Variants in CHD7 observed in about 807,000 individuals in gnomAD.
CHD7 encodes the protein ATP-dependent chromatin remodeler CHD7.
CHD7 carries 24 observed loss-of-function variants against 307.3 expected under a neutral mutation model. That is an observed-to-expected ratio of 0.08 (90% CI 0.06 to 0.11). The LOEUF is 0.11. Ranked by LOEUF, CHD7 falls within the 10% of genes least tolerant of loss-of-function variation. The pLI, the probability that CHD7 is intolerant of heterozygous loss-of-function variation, is 1.00. For missense variants in CHD7, 3,106 were observed against 3,727.1 expected, an observed-to-expected ratio of 0.83 and a Z score of 4.34; for synonymous variants, 1,363 against 1,349.9, an observed-to-expected ratio of 1.01 and a Z score of -0.21.
At chr8:60,789,273 T>G (rs1462734725) in intron 3 of CHD7, among the ~76,000 whole-genome samples, 1 of 152,238 alleles carries the variant, frequency 6.6e-6, no homozygotes, top group Non-Finnish European at 1.5e-5. Context: ...CTTTTACTTC[T>G]TATCCATTAG....
At chr8:60,727,279 AC>A (rs1400648730) in intron 1 of CHD7, among the ~76,000 whole-genome samples, 1 of 151,714 alleles carries the variant, frequency 6.6e-6, no homozygotes, top group Non-Finnish European at 1.5e-5. Flanking sequence ...GGCATTTGCC[AC>A]CCCTGCCCGG....
In CHD7 at chr8:60,741,641, A is replaced by G; in HGVS notation, c.209A>G (p.Asp70Gly). Residue 70 changes from aspartate (D) to glycine (G), a missense_variant, in exon 2 of 38, where the codon GAT becomes GGT. Coordinates refer to ENST00000423902, the MANE Select transcript of CHD7 (RefSeq NM_017780.4). ...AATCAAACAAAGCTGACACATTTTG[A>G]TCACTATAATCAGTATGAACAACAA... ...NQNQTKLTHF[D>G]HYNQYEQQKM... 2 of 1,613,762 alleles carry G rather than the reference A, an allele frequency of 1.2e-6. No homozygotes were observed. The highest frequency in any genetic ancestry group is 8.5e-7 in the Non-Finnish European group (1 of 1,179,780).
At chr8:60,691,448 A>G (rs1033266382) in intron 1 of CHD7, among the ~76,000 whole-genome samples, 1 of 152,242 alleles carries the variant, frequency 6.6e-6, no homozygotes, top group African/African-American at 2.4e-5. Flanking sequence ...TTACTTGTGC[A>G]TCTTTTACTC....
At chr8:60,703,680 C>T (rs1003275591) in intron 1 of CHD7, among the ~76,000 whole-genome samples, 2 of 152,200 alleles carry the variant, frequency 1.3e-5, no homozygotes, top group East Asian at 1.9e-4. Context: ...AGGACTGTCC[C>T]GCCAACAAAC....
intron 1 of CHD7, among the ~76,000 whole-genome samples, chr8:60,686,093 G>A (rs1805874717): frequency 6.6e-6 from 1 of 152,162 alleles, no homozygotes; most frequent in Non-Finnish European, 1.5e-5. Context: ...GGTGGCCATT[G>A]TGACTCAGTC....
chr8:60,804,152 G>T (rs1812439690), intron 6 of CHD7, among the ~76,000 whole-genome samples: 1 of 152,180 alleles, frequency 6.6e-6, no homozygotes, highest in South Asian at 2.1e-4. Context: ...CATTTATGTT[G>T]TTCTAAACCC....
At chr8:60,821,649 TATAC>T in intron 9 of CHD7, 137 bp from the exon 10 acceptor site, 1 of 598,036 alleles carries the variant, frequency 1.7e-6, no homozygotes, top group Non-Finnish European at 2.6e-6. Context: ...TAAACATATA[TATAC>T]ACATACATAT....
chr8:60,682,965 T>G (rs185436337), intron 1 of CHD7, among the ~76,000 whole-genome samples: 15 of 152,286 alleles, frequency 9.8e-5, no homozygotes, highest in African/African-American at 3.6e-4. Flanking sequence ...ATAGCTAAAA[T>G]CACCAAAAAG....
chr8:60,855,530 A>G lies in CHD7; in HGVS notation c.6937-445A>G, dbSNP rs377485937. 1.1e-4 allele frequency among the ~76,000 whole-genome samples: 17 copies of G among 152,320 alleles called. No individual in the cohort carries two copies. The South Asian group carries it at 3.3e-3, about 30-fold the overall frequency. On this transcript the variant is annotated intron_variant, in intron 32 of 37. Coordinates refer to ENST00000423902, the MANE Select transcript of CHD7 (RefSeq NM_017780.4). ...TTAATAGTGACGCTAATGATGTCCT[A>G]CTTCCTGGGACTGCAATCCAGCCTG... is the stretch of plus-strand genomic sequence containing the variant.
rs1272788002 is a variant in CHD7 at position 60,743,093 on chromosome 8, A to C, written c.1661A>C (p.His554Pro). Residue 554 changes from histidine (H) to proline (P), a missense_variant, in exon 2 of 38, where the codon CAT becomes CCT. This residue lies in a region of CHD7 where 998 missense variants were observed against 1,004.5 expected (regional missense o/e 0.99). Coordinates refer to ENST00000423902, the MANE Select transcript of CHD7 (RefSeq NM_017780.4). ...PQNTPQKVPV[H>P]QHSPSEPFLE... Reference sequence around the variant, plus strand: ...AACACCCCGCAGAAAGTGCCTGTGCATCAGGTAAGGGGACACAGAGCCTAC... The same window carrying C: ...AACACCCCGCAGAAAGTGCCTGTGCCTCAGGTAAGGGGACACAGAGCCTAC... The C allele has an allele frequency of 6.2e-7, 1 of 1,612,756 alleles. No homozygotes were observed. The highest frequency in any genetic ancestry group is 1.7e-5 in the Admixed American group (1 of 59,978).
At chr8:60,680,661 G>A (rs1337843613) in intron 1 of CHD7, among the ~76,000 whole-genome samples, 1 of 152,166 alleles carries the variant, frequency 6.6e-6, no homozygotes, top group South Asian at 2.1e-4. Flanking sequence ...TTTCCTGGAG[G>A]TCACTTTTAG....
intron 31 of CHD7, among the ~76,000 whole-genome samples, chr8:60,854,087 A>G (rs1365527301): frequency 2.6e-5 from 4 of 152,186 alleles, no homozygotes; most frequent in Non-Finnish European, 5.9e-5. Context: ...TTGGTTGGCT[A>G]TCAGCCTCTT....
At position 60,809,681 on chromosome 8, in the gene CHD7, A is replaced by G. The variant is rs1812702701; in HGVS notation, c.2498+1409A>G. On this transcript the variant is annotated intron_variant, in intron 7 of 37. Coordinates refer to ENST00000423902, the MANE Select transcript of CHD7 (RefSeq NM_017780.4). ...AAAGGGAGTTTTGAAAAAAAAAAAA[A>G]AAAAAAAAAAAAAGAAAAAAAAGGT... 2.6e-5 allele frequency: 4 copies of G among 151,382 alleles called. No homozygotes were observed. The South Asian group carries it at 6.2e-4, about 24-fold the overall frequency. The allele number at this position is 151,382 out of a possible 1,614,324, so 9.4% of individuals were successfully genotyped here.
intron 1 of CHD7, among the ~76,000 whole-genome samples, chr8:60,698,860 C>T (rs540860821): frequency 2.6e-3 from 389 of 152,272 alleles, no homozygotes; most frequent in Non-Finnish European, 3.0e-3. Context: ...AGTCACAGTT[C>T]ACTGCAACCT....
intron 4 of CHD7, among the ~76,000 whole-genome samples, chr8:60,796,268 G>A (rs1812029596): frequency 6.6e-6 from 1 of 152,206 alleles, no homozygotes; most frequent in Non-Finnish European, 1.5e-5. Context: ...ATACATCAAT[G>A]GAAAGATATT....
chr8:60,722,435 C>T (rs1807955318), intron 1 of CHD7, among the ~76,000 whole-genome samples: 1 of 152,128 alleles, frequency 6.6e-6, no homozygotes, highest in South Asian at 2.1e-4. Flanking sequence ...TAATTACTGG[C>T]ATATTGTATT....
At chr8:60,813,069 C>T (rs531202299) in intron 7 of CHD7, among the ~76,000 whole-genome samples, 1 of 152,252 alleles carries the variant, frequency 6.6e-6, no homozygotes, top group African/African-American at 2.4e-5. Context: ...TCCAGTTCTA[C>T]TTTTGTGTCT....
chr8:60,813,376 A>G (rs1586373276), intron 7 of CHD7, among the ~76,000 whole-genome samples: 2 of 152,154 alleles, frequency 1.3e-5, no homozygotes, highest in African/African-American at 4.8e-5. Flanking sequence ...TTATTTTCTA[A>G]TTATTATGTC....
In CHD7 at chr8:60,708,266, C is replaced by T. The variant is rs141737287; in HGVS notation, c.-175+29184C>T. 2.3e-3 allele frequency among the ~76,000 whole-genome samples: 353 copies of T among 152,320 alleles called. 4 individuals carry two copies. Among genetic ancestry groups the T allele is most frequent in the African/African-American group, 8.1e-3 (337 of 41,570 alleles). ...AAATCACACCTGGCTTTCTCCCCAA[C>T]CATTCTGCAAGTCACCCAGGAATAC... On this transcript the variant is annotated intron_variant, in intron 1 of 37. Transcript: ENST00000423902.
Sources: gnomAD v4.1 joint callset for allele counts (sites outside exome capture counted in the v4.1 genomes callset) on GRCh38, gnomAD v4.1.1 for gene constraint, gnomAD v4.1.1 regional missense constraint, MANE v1.5 for transcripts, NCBI Gene and HGNC (gene_info 2026-07-23, HGNC 2026-07-21) for gene names.